The following ZNF439 variants were observed in gnomAD, a reference collection of about 807,000 sequenced individuals.
The protein encoded by ZNF439 is zinc finger protein 439.
In ZNF439, 40 loss-of-function variants were observed where a neutral mutation model predicts 47.3. That is an observed-to-expected ratio of 0.85 (90% CI 0.66 to 1.10). The LOEUF is 1.10. Ranked by LOEUF, ZNF439 falls within the 50% of genes least tolerant of loss-of-function variation. The probability of loss-of-function intolerance (pLI) is 0.00; values close to 1 mark genes in which losing one functional copy is unlikely to be tolerated. For missense variants in ZNF439, 556 were observed against 601.1 expected (o/e 0.93, Z 0.78); for synonymous variants, 171 against 198.8 (o/e 0.86, Z 1.18).
At chr19:11,849,108 T>TGTCCC in intron 1 of ZNF439, 178 bp downstream of exon 1, 1 of 1,180,474 alleles carries the variant, frequency 8.5e-7, no homozygotes. Flanking sequence ...CCGGGCGTCC[T>TGTCCC]GTCCCGTCCC....
intron 1 of ZNF439, among the ~76,000 whole-genome samples, chr19:11,853,523 G>C (rs1599311455): frequency 6.6e-6 from 1 of 152,168 alleles, no homozygotes; most frequent in East Asian, 1.9e-4. Flanking sequence ...ATAGGCTCCA[G>C]ATGTCCCAGT....
rs1393630647 is a variant in ZNF439 at position 11,867,306 on chromosome 19, G to T, written c.252G>T (p.Arg84Ser). ...ATAATTTGTTTCTCATTTTTGACAG[G>T]AGTGTCACAGAAGAGAAAGTCAATG... Reference protein sequence around the residue: ...YEYQNPRRNFRSVTEEKVNEI... With the variant: ...YEYQNPRRNFSSVTEEKVNEI... Residue 84 changes from arginine to serine, a missense_variant and splice_region_variant, in exon 4 of 4, where the codon AGG becomes AGT. By Grantham distance (110) the Arg-to-Ser change is moderately radical. Coordinates refer to ENST00000682736, the MANE Select transcript of ZNF439 (RefSeq NM_001348719.2). The T allele has an allele frequency of 3.1e-6, 5 of 1,606,112 alleles. No individual in the cohort carries two copies. Among genetic ancestry groups the T allele is most frequent in the Non-Finnish European group, 4.2e-6 (5 of 1,178,256 alleles).
chr19:11,855,604 G>A (rs1976364446), intron 1 of ZNF439, among the ~76,000 whole-genome samples: 1 of 152,258 alleles, frequency 6.6e-6, no homozygotes, highest in Non-Finnish European at 1.5e-5. Flanking sequence ...GGGTCCTGGA[G>A]CCCACGGTCC....
At chr19:11,855,729 A>C (rs749102230) in intron 1 of ZNF439, among the ~76,000 whole-genome samples, 1 of 152,226 alleles carries the variant, frequency 6.6e-6, no homozygotes, top group Non-Finnish European at 1.5e-5. Flanking sequence ...AACATACTGC[A>C]CAGGACATTA....
rs373484496 is a variant in ZNF439, at chr19:11,867,623, C to T, written c.569C>T (p.Pro190Leu). 15 of 1,613,932 alleles carry T rather than the reference C, an allele frequency of 9.3e-6. No homozygotes were observed. Among genetic ancestry groups the T allele is most frequent in the African/African-American group, 4.0e-5 (3 of 74,880 alleles). Reference protein sequence around the residue: ...TQERDHTGKKPYACKECGKNI... With the variant: ...TQERDHTGKKLYACKECGKNI... The stretch of plus-strand genomic sequence containing the variant: ...GAAAGGGATCACACTGGAAAGAAAC[C>T]CTATGCTTGTAAAGAATGTGGAAAA... The change falls in exon 4 of 4, where the codon CCC becomes CTC. Residue 190 changes from proline (P) to leucine (L), a missense_variant. Pro to Leu is a moderately conservative substitution (Grantham distance 98, BLOSUM62 -3). Transcript: ENST00000682736.
chr19:11,866,162 G>A (rs202001301), intron 1 of ZNF439, 43 bp from the exon 2 acceptor site: 108 of 1,612,794 alleles, frequency 6.7e-5, no homozygotes, highest in Non-Finnish European at 3.4e-6. Context: ...CCCCAATGCT[G>A]TCACTCTCAC....
At position 11,868,341 on chromosome 19, in the gene ZNF439, T is replaced by C; in HGVS notation, c.1287T>C (p.Asn429=). 1.9e-6 allele frequency: 3 copies of C among 1,599,762 alleles called. No homozygotes were observed. Among genetic ancestry groups the C allele is most frequent in the East Asian group, 2.2e-5 (1 of 44,590 alleles). The change falls in exon 4 of 4, where the codon AAT becomes AAC. Residue 429 remains asparagine (N), a synonymous_variant. Coordinates refer to ENST00000682736, the MANE Select transcript of ZNF439 (RefSeq NM_001348719.2). Reference sequence around the variant, plus strand: ...GGAAAGCCTTCAGATCTGCCCCAAATCTTCAATTGCATGGTAGGACTCACA... The same window carrying C: ...GGAAAGCCTTCAGATCTGCCCCAAACCTTCAATTGCATGGTAGGACTCACA... The part of the protein sequence containing the change: ...QCGKAFRSAP[N]LQLHGRTHTG...
intron 1 of ZNF439, among the ~76,000 whole-genome samples, chr19:11,863,211 C>T (rs1178807521): frequency 7.2e-6 from 1 of 139,418 alleles, no homozygotes; most frequent in Non-Finnish European, 1.5e-5. Context: ...GCTGGAGTGC[C>T]GTGGCACAGT....
chr19:11,866,887 C>T (rs1235176743), intron 3 of ZNF439, among the ~76,000 whole-genome samples: 2 of 152,014 alleles, frequency 1.3e-5, no homozygotes, highest in African/African-American at 4.8e-5. Context: ...ATTAGCTGGG[C>T]ATTGTGGTAT....
At chr19:11,857,202 A>G (rs1200617511) in intron 1 of ZNF439, 2 of 152,224 alleles carry the variant, frequency 1.3e-5, no homozygotes, top group African/African-American at 4.8e-5. Flanking sequence ...AGATAAAATA[A>G]TAGACATTAT....
At chr19:11,856,782 AAC>A (rs1283945930) in intron 1 of ZNF439, 1 of 152,248 alleles carries the variant, frequency 6.6e-6, no homozygotes. Context: ...ATACAGAACA[AAC>A]CAGTTTATCT....
rs1442020676 is a variant in ZNF439 at position 11,867,887 on chromosome 19, A to G, written c.833A>G (p.Gln278Arg). The change falls in exon 4 of 4, where the codon CAG becomes CGG. Residue 278 changes from glutamine to arginine, a missense_variant. Transcript: ENST00000682736. ...ATTGGAGAAAAGCCTTATGAATGTC[A>G]GGAATGTGGGAAAGCATTCCATAGT... ...THIGEKPYEC[Q>R]ECGKAFHSPR... The G allele has an allele frequency of 6.2e-7, 1 of 1,614,024 alleles. No homozygotes were observed. The highest frequency in any genetic ancestry group is 8.5e-7 in the Non-Finnish European group (1 of 1,180,012).
intron 1 of ZNF439, chr19:11,850,367 C>T (rs1169087346): frequency 1.3e-5 from 2 of 152,188 alleles, no homozygotes; most frequent in African/African-American, 4.8e-5. Flanking sequence ...AGCCACATCG[C>T]CATGCCAGAA....
rs145860212 is a variant in ZNF439, at chr19:11,852,975, G to A, written c.63+4045G>A. Among the ~76,000 whole-genome samples, 339 of 152,032 alleles carry A rather than the reference G, an allele frequency of 2.2e-3. 2 individuals are homozygous for A. The highest frequency in any genetic ancestry group is 0.014 in the Middle Eastern group (4 of 294). On this transcript the variant is annotated intron_variant, in intron 1 of 3. Coordinates refer to ENST00000682736, the MANE Select transcript of ZNF439 (RefSeq NM_001348719.2). ...ACGAAGTTTCACTCTTGTTGCCCAG[G>A]GTGGTGTGCAGTGGTGCAATCTCGG...
At chr19:11,857,742 G>T (rs1461097547) in intron 1 of ZNF439, 1 of 152,192 alleles carries the variant, frequency 6.6e-6, no homozygotes, top group Admixed American at 6.5e-5. Context: ...CCTAACAACT[G>T]TTGAAAATCA....
At chr19:11,861,526 A>G (rs778743491) in intron 1 of ZNF439, among the ~76,000 whole-genome samples, 28 of 152,176 alleles carry the variant, frequency 1.8e-4, no homozygotes, top group African/African-American at 5.8e-4. Context: ...TAGATAACCA[A>G]TTCTCTGAGT....
chr19:11,865,209 C>T (rs573468071), intron 1 of ZNF439, among the ~76,000 whole-genome samples: 4 of 152,248 alleles, frequency 2.6e-5, no homozygotes, highest in African/African-American at 7.2e-5. Flanking sequence ...CCAGGAAGGT[C>T]GTATAGTGGT....
At position 11,854,443 on chromosome 19, in the gene ZNF439, C is replaced by A. The variant is rs1976330901; in HGVS notation, c.63+5513C>A. Among the ~76,000 whole-genome samples the A allele has an allele frequency of 3.3e-5, 5 of 152,122 alleles. No individual in the cohort carries two copies. The South Asian group carries it at 1.0e-3, about 32-fold the overall frequency. ...GGAATCCATAGCCCAGGGATGCAAC[C>A]CAAAATCATCAAAGTAGAGATATTA... On this transcript the variant is annotated intron_variant, in intron 1 of 3. Transcript: ENST00000682736.
chr19:11,858,887 C>T (rs1186971381), intron 1 of ZNF439, among the ~76,000 whole-genome samples: 1 of 152,152 alleles, frequency 6.6e-6, no homozygotes, highest in African/African-American at 2.4e-5. Flanking sequence ...CAGGGTTTCC[C>T]TGTAGGGACT....
Sources: gnomAD v4.1 joint callset for allele counts (sites outside exome capture counted in the v4.1 genomes callset) on GRCh38, gnomAD v4.1.1 for gene constraint, MANE v1.5 for transcripts, NCBI Gene and HGNC (gene_info 2026-07-23, HGNC 2026-07-21) for gene names.